Variants in TCERG1L observed in about 807,000 individuals in gnomAD.
TCERG1L encodes the protein transcription elongation regulator 1-like protein.
A neutral mutation model predicts 56.3 loss-of-function variants in TCERG1L; 37 were observed. That is an observed-to-expected ratio of 0.66 (90% CI 0.51 to 0.87). TCERG1L has a LOEUF of 0.87. Among genes scored for constraint, TCERG1L ranks in the 40% least tolerant of loss-of-function variants. TCERG1L has a pLI of 0.00. For missense variants in TCERG1L, 799 were observed against 774.2 expected, an observed-to-expected ratio of 1.03 and a Z score of -0.38; for synonymous variants, 324 against 326.3, an observed-to-expected ratio of 0.99 and a Z score of 0.08.
intron 9 of TCERG1L, among the ~76,000 whole-genome samples, chr10:131,106,089 G>T (rs962143490): frequency 2.6e-5 from 4 of 152,224 alleles, no homozygotes; most frequent in South Asian, 2.1e-4. Flanking sequence ...TGTGTTCATT[G>T]CTAGTGAGGT....
chr10:131,102,773 C>A (rs1183027983), intron 10 of TCERG1L, among the ~76,000 whole-genome samples: 1 of 152,160 alleles, frequency 6.6e-6, no homozygotes, highest in Admixed American at 6.5e-5. Flanking sequence ...CTTCCAGAGT[C>A]TATCTCAGGG....
intron 3 of TCERG1L, among the ~76,000 whole-genome samples, chr10:131,298,146 TTC>T (rs949784326): frequency 1.6e-5 from 1 of 63,260 alleles, no homozygotes; most frequent in African/African-American, 3.6e-5. Flanking sequence ...TTTGAGGTAT[TTC>T]TTTTTTTTTT....
intron 4 of TCERG1L, among the ~76,000 whole-genome samples, chr10:131,230,446 G>A (rs1369162873): frequency 1.3e-5 from 2 of 152,210 alleles, no homozygotes; most frequent in African/African-American, 4.8e-5. Context: ...GGCTGAAGCA[G>A]TGGATCCTGG....
intron 3 of TCERG1L, among the ~76,000 whole-genome samples, chr10:131,277,495 C>A (rs1385982439): frequency 6.6e-6 from 1 of 152,170 alleles, no homozygotes; most frequent in Non-Finnish European, 1.5e-5. Context: ...CACCTCCTGG[C>A]GAGCACACTG....
At chr10:131,188,302 A>C (rs943768776) in intron 4 of TCERG1L, among the ~76,000 whole-genome samples, 2 of 152,212 alleles carry the variant, frequency 1.3e-5, no homozygotes, top group African/African-American at 4.8e-5. Context: ...GAACACAGTA[A>C]AAACGGGCAC....
At chr10:131,227,913 T>G (rs1199001197) in intron 4 of TCERG1L, among the ~76,000 whole-genome samples, 1 of 152,204 alleles carries the variant, frequency 6.6e-6, no homozygotes, top group Non-Finnish European at 1.5e-5. Flanking sequence ...GCTGTCGGGC[T>G]GTGCTCAGGC....
chr10:131,101,009 A>C (rs772746785), intron 10 of TCERG1L, among the ~76,000 whole-genome samples: 2 of 152,208 alleles, frequency 1.3e-5, no homozygotes, highest in Non-Finnish European at 2.9e-5. Context: ...GCAGGACGTT[A>C]GGACAGGCCC....
intron 3 of TCERG1L, among the ~76,000 whole-genome samples, chr10:131,279,602 C>T (rs1846430556): frequency 6.6e-6 from 1 of 152,154 alleles, no homozygotes; most frequent in African/African-American, 2.4e-5. Context: ...GAAGAGAAGA[C>T]CATGGGCCAT....
intron 4 of TCERG1L, among the ~76,000 whole-genome samples, chr10:131,218,065 G>A (rs533070535): frequency 9.9e-5 from 15 of 152,230 alleles, no homozygotes; most frequent in African/African-American, 3.4e-4. Context: ...TGCCTGCCAC[G>A]AGAGCAGGAG....
chr10:131,266,157 C>A (rs1846283546), intron 3 of TCERG1L, among the ~76,000 whole-genome samples: 1 of 152,202 alleles, frequency 6.6e-6, no homozygotes, highest in African/African-American at 2.4e-5. Context: ...AGAAGTAACT[C>A]CTTATGCGTT....
Position 131,311,639 on chromosome 10 carries a change from A to C in TCERG1L, c.-4T>G. On this transcript the variant is annotated 5_prime_UTR_variant, in exon 1 of 12. It removes the in-frame stop codon of an upstream open reading frame in the 5' UTR. Transcript: ENST00000368642. The surrounding 1 kb of genome is among the most constrained non-coding windows in gnomAD (Gnocchi z 4.0). ...GGAACCTGGCGCCCGCCTGCATCCT[A>C]CATCCCCGCGCTGACGGCGGCGGCG... 2.7e-6 allele frequency: 3 copies of C among 1,106,922 alleles called. No individual in the cohort carries two copies. Among genetic ancestry groups the C allele is most frequent in the East Asian group, 4.8e-5 (1 of 20,726 alleles). 68.6% of individuals were successfully genotyped at this position (1,106,922 alleles called of 1,614,324 possible).
intron 7 of TCERG1L, among the ~76,000 whole-genome samples, chr10:131,136,537 C>A (rs1375587225): frequency 6.6e-6 from 1 of 152,116 alleles, no homozygotes; most frequent in Non-Finnish European, 1.5e-5. Context: ...AGCCTGTCAC[C>A]CAGGCTGGAG....
At chr10:131,197,707 C>T (rs549747525) in intron 4 of TCERG1L, among the ~76,000 whole-genome samples, 2 of 152,112 alleles carry the variant, frequency 1.3e-5, no homozygotes, top group African/African-American at 4.8e-5. Flanking sequence ...CCAGCCAGAG[C>T]CGACCTGAGG....
intron 3 of TCERG1L, among the ~76,000 whole-genome samples, chr10:131,279,004 C>T (rs1846425082): frequency 6.6e-6 from 1 of 152,186 alleles, no homozygotes; most frequent in Middle Eastern, 3.2e-3. Flanking sequence ...GTCCGTCTCC[C>T]TCACAGGCCC....
At chr10:131,098,648 A>G (rs1298017874) in intron 10 of TCERG1L, among the ~76,000 whole-genome samples, 2 of 152,192 alleles carry the variant, frequency 1.3e-5, no homozygotes, top group Non-Finnish European at 2.9e-5. Context: ...ATTTCTCTAC[A>G]TGCAGGCGCC....
At chr10:131,117,475 G>A in intron 8 of TCERG1L, among the ~76,000 whole-genome samples, 1 of 152,234 alleles carries the variant, frequency 6.6e-6, no homozygotes, top group East Asian at 1.9e-4. Flanking sequence ...GACAAAGAAG[G>A]AGGCTGGGAC....
intron 6 of TCERG1L, among the ~76,000 whole-genome samples, chr10:131,148,901 G>C (rs1201491976): frequency 6.6e-6 from 1 of 152,192 alleles, no homozygotes; most frequent in Admixed American, 6.5e-5. Flanking sequence ...CTTCCCCCTC[G>C]GGGCGACTCT....
At position 131,311,696 on chromosome 10, in the gene TCERG1L, C is replaced by T. The variant is rs1248417710; in HGVS notation, c.-61G>A. On this transcript the variant is annotated 5_prime_UTR_variant, in exon 1 of 12. Transcript: ENST00000368642. This position sits in a 1 kb window ranked among gnomAD's most constrained non-coding sequence, Gnocchi z 4.0. ...GCGGGCGCCCGAGATGCTGGGCCGG[C>T]GGCGGCGCGGCTCCGGAGCGAACTC... 1.5e-5 allele frequency: 13 copies of T among 875,932 alleles called. No individual in the cohort carries two copies. The highest frequency in any genetic ancestry group is 1.8e-5 in the Non-Finnish European group (13 of 706,360). The allele number at this position is 875,932 out of a possible 1,614,324, so 54.3% of individuals were successfully genotyped here. A position where few individuals can be genotyped will look rare whatever the true frequency, so the allele number is the denominator to read the frequency against.
chr10:131,300,519 T>G (rs1300781744), intron 3 of TCERG1L, among the ~76,000 whole-genome samples: 1 of 152,182 alleles, frequency 6.6e-6, no homozygotes, highest in East Asian at 1.9e-4. Context: ...CAAAGTAATT[T>G]TTCATTATGC....
Sources: allele counts gnomAD v4.1 joint callset (sites outside exome capture counted in the v4.1 genomes callset), GRCh38; gene constraint gnomAD v4.1.1; non-coding constraint Gnocchi (gnomAD v3.1); transcripts MANE v1.5; gene names NCBI Gene and HGNC (gene_info 2026-07-23, HGNC 2026-07-21).